The following STON2 variants were observed in gnomAD, a reference collection of about 807,000 sequenced individuals.
STON2 encodes stonin-2.
Under a neutral mutation model 65.7 loss-of-function variants are expected in STON2, and 29 were observed. The observed-to-expected ratio is 0.44, with a 90% CI of 0.33 to 0.60. The LOEUF (loss-of-function observed/expected upper bound fraction) is 0.60. STON2 is among the 20% of genes least tolerant of loss of function. The pLI, the probability that STON2 is intolerant of heterozygous loss-of-function variation, is 0.03. For synonymous variants in STON2, 404 were observed against 414.2 expected (o/e 0.98, Z 0.30); for missense variants, 1,054 against 1,118.1 (o/e 0.94, Z 0.82).
Position 81,271,803 on chromosome 14 carries a change from C to G in STON2, c.2582-931G>C, listed in dbSNP as rs1894606040. Among the ~76,000 whole-genome samples, 4 of 152,254 alleles carry G rather than the reference C, an allele frequency of 2.6e-5. No individual in the cohort carries two copies. The South Asian group carries it at 8.4e-4, about 32-fold the overall frequency. On this transcript the variant is annotated intron_variant, in intron 6 of 7. Transcript: ENST00000614646. Reference sequence around the variant, plus strand: ...TGCCATACAGGAAACATTGAAGTACCCTATGCCTTCTTCTATGTTAAATCT... The same window carrying G: ...TGCCATACAGGAAACATTGAAGTACGCTATGCCTTCTTCTATGTTAAATCT...
chr14:81,399,236 T>C (rs946292796), intron 1 of STON2, among the ~76,000 whole-genome samples: 1 of 152,264 alleles, frequency 6.6e-6, no homozygotes, highest in Non-Finnish European at 1.5e-5. Flanking sequence ...AATTATGTTC[T>C]AGGAATACAG....
intron 3 of STON2, among the ~76,000 whole-genome samples, chr14:81,380,057 C>T (rs550509416): frequency 4.6e-5 from 7 of 152,218 alleles, no homozygotes; most frequent in East Asian, 1.9e-4. Context: ...AGTAAACAGA[C>T]AATCTACAAA....
chr14:81,285,071 A>G (rs1275885037), intron 5 of STON2, among the ~76,000 whole-genome samples: 2 of 152,254 alleles, frequency 1.3e-5, no homozygotes, highest in Non-Finnish European at 2.9e-5. Context: ...ATAGAGATGT[A>G]CAAGGAGATT....
At position 81,271,662 on chromosome 14, in the gene STON2, C is replaced by T. The variant is rs1056027170; in HGVS notation, c.2582-790G>A. Among the ~76,000 whole-genome samples the T allele has an allele frequency of 3.9e-5, 6 of 152,302 alleles. No homozygotes were observed. In the South Asian group the frequency reaches 8.3e-4, roughly 21 times the overall value. Reference sequence around the variant, plus strand: ...TACATCTATGGGTAACTCCACTATACTCGTGATGGCAAACTTTGGGTTTGA... The same window carrying T: ...TACATCTATGGGTAACTCCACTATATTCGTGATGGCAAACTTTGGGTTTGA... On this transcript the variant is annotated intron_variant, in intron 6 of 7. Transcript: ENST00000614646.
chr14:81,305,821 G>A (rs1896150744), intron 5 of STON2, among the ~76,000 whole-genome samples: 1 of 151,690 alleles, frequency 6.6e-6, no homozygotes, highest in Non-Finnish European at 1.5e-5. Context: ...GGGATTGTCA[G>A]TTAAGGTTCC....
At position 81,276,996 on chromosome 14, in the gene STON2, T is replaced by C. The variant is rs1448167270; in HGVS notation, c.2486A>G (p.Glu829Gly). ...SFGSTSVSGSEPVMRVTLGTA... is the reference protein window; with the variant it reads ...SFGSTSVSGSGPVMRVTLGTA... ...TCCCAGAGTTACTCTCATGACAGGC[T>C]CAGAGCCAGAAACACTAGTGGAGCC... The change falls in exon 6 of 8, where the codon GAG becomes GGG. Residue 829 changes from glutamate (E) to glycine (G), a missense_variant. Physicochemically the swap from Glu to Gly is moderately conservative, Grantham distance 98. Transcript: ENST00000614646. 2.5e-6 allele frequency: 4 copies of C among 1,614,202 alleles called. No individual in the cohort carries two copies. Among genetic ancestry groups the C allele is most frequent in the Non-Finnish European group, 3.4e-6 (4 of 1,180,034 alleles).
At chr14:81,274,524 G>C (rs1037932269) in intron 6 of STON2, among the ~76,000 whole-genome samples, 3 of 151,788 alleles carry the variant, frequency 2.0e-5, no homozygotes, top group Non-Finnish European at 4.4e-5. Flanking sequence ...TCTGGTAGCA[G>C]TCTTTTTCTT....
chr14:81,341,513 G>A (rs1334931382), intron 4 of STON2, among the ~76,000 whole-genome samples: 1 of 147,860 alleles, frequency 6.8e-6, no homozygotes, highest in African/African-American at 2.6e-5. Context: ...AGGTCACAAG[G>A]GAAGCAAGCC....
At chr14:81,303,968 C>T (rs1018896458) in intron 5 of STON2, among the ~76,000 whole-genome samples, 3 of 152,144 alleles carry the variant, frequency 2.0e-5, no homozygotes, top group Admixed American at 6.5e-5. Flanking sequence ...CAACCTCTTC[C>T]CCGACCGTGA....
chr14:81,376,680 T>C (rs1368137831), intron 3 of STON2, among the ~76,000 whole-genome samples: 1 of 152,204 alleles, frequency 6.6e-6, no homozygotes, highest in Non-Finnish European at 1.5e-5. Flanking sequence ...ACCCAATTTA[T>C]ATGTAAAGTC....
intron 5 of STON2, chr14:81,323,475 A>G (rs1896893044): frequency 6.6e-6 from 1 of 152,164 alleles, no homozygotes; most frequent in Non-Finnish European, 1.5e-5. Flanking sequence ...CAATACCTTC[A>G]TGTTCACAAA....
intron 6 of STON2, among the ~76,000 whole-genome samples, chr14:81,271,650 A>T (rs1271010848): frequency 1.3e-5 from 2 of 152,230 alleles, no homozygotes; most frequent in Non-Finnish European, 2.9e-5. Flanking sequence ...ATCTATGGGT[A>T]ACTCCACTAT....
At chr14:81,352,857 C>G (rs1898078058) in intron 4 of STON2, among the ~76,000 whole-genome samples, 1 of 152,080 alleles carries the variant, frequency 6.6e-6, no homozygotes, top group Non-Finnish European at 1.5e-5. Context: ...TTTACACCAC[C>G]CTTTTGGAAC....
At chr14:81,392,469 G>A (rs1221026521) in intron 3 of STON2, among the ~76,000 whole-genome samples, 2 of 152,080 alleles carry the variant, frequency 1.3e-5, no homozygotes, top group African/African-American at 2.4e-5. Flanking sequence ...AATTTTCATG[G>A]CTGTGGGATG....
intron 3 of STON2, among the ~76,000 whole-genome samples, chr14:81,378,630 C>T (rs1899364917): frequency 6.6e-6 from 1 of 152,130 alleles, no homozygotes; most frequent in African/African-American, 2.4e-5. Flanking sequence ...AATTTTAATG[C>T]TACACATATA....
chr14:81,367,643 C>T (rs1898798154), intron 4 of STON2, among the ~76,000 whole-genome samples: 1 of 152,190 alleles, frequency 6.6e-6, no homozygotes, highest in African/African-American at 2.4e-5. Context: ...ACCCTGATAG[C>T]ACACGTCAGG....
intron 5 of STON2, among the ~76,000 whole-genome samples, chr14:81,302,184 G>C (rs979772485): frequency 5.3e-5 from 8 of 152,200 alleles, no homozygotes; most frequent in Non-Finnish European, 8.8e-5. Context: ...CACCATATCA[G>C]CTGCCCCTCT....
chr14:81,393,660 G>T lies in STON2; in HGVS notation c.373+2234C>A, dbSNP rs114448200. ...GAGTACATGATATGAAGTAGCTAAG[G>T]CACTGAGCACAGAAACTGAGACAAT... On this transcript the variant is annotated intron_variant, in intron 3 of 7. Transcript: ENST00000614646. Among the ~76,000 whole-genome samples the T allele has an allele frequency of 7.4e-3, 1,126 of 152,246 alleles. 12 individuals are homozygous for T. The highest frequency in any genetic ancestry group is 0.026 in the African/African-American group (1,069 of 41,536).
chr14:81,285,733 G>GA (rs1895306664), intron 5 of STON2, among the ~76,000 whole-genome samples: 1 of 152,216 alleles, frequency 6.6e-6, no homozygotes, highest in Non-Finnish European at 1.5e-5. Flanking sequence ...AACTAGGGCT[G>GA]AAAAACTACA....
Sources: gnomAD v4.1 joint callset for allele counts (sites outside exome capture counted in the v4.1 genomes callset) on GRCh38, gnomAD v4.1.1 for gene constraint, MANE v1.5 for transcripts, NCBI Gene and HGNC (gene_info 2026-07-23, HGNC 2026-07-21) for gene names.